The following ITGA9 variants were observed in gnomAD, a reference collection of about 807,000 sequenced individuals.
The protein encoded by ITGA9 is integrin subunit alpha 9, also known as integrin alpha-9.
ITGA9 carries 56 observed loss-of-function variants against 127.8 expected under a neutral mutation model. The ratio of observed to expected loss-of-function variants is 0.44; its 90% confidence interval spans 0.35 to 0.55. The LOEUF (loss-of-function observed/expected upper bound fraction) is 0.55. Ranked by LOEUF, ITGA9 falls within the 20% of genes least tolerant of loss-of-function variation. The probability of loss-of-function intolerance (pLI) is 0.00; values close to 1 mark genes in which losing one functional copy is unlikely to be tolerated. For missense variants in ITGA9, 1,196 were observed against 1,347.1 expected, an observed-to-expected ratio of 0.89 and a Z score of 1.76; for synonymous variants, 508 against 514.5, an observed-to-expected ratio of 0.99 and a Z score of 0.17.
At chr3:37,784,717 C>A (rs1575236388) in intron 25 of ITGA9, among the ~76,000 whole-genome samples, 2 of 152,164 alleles carry the variant, frequency 1.3e-5, no homozygotes, top group Non-Finnish European at 2.9e-5. Context: ...GCTTGGAAAC[C>A]ACAGCACACA....
chr3:37,543,795 G>T (rs1165453206), intron 15 of ITGA9, among the ~76,000 whole-genome samples: 1 of 152,236 alleles, frequency 6.6e-6, no homozygotes, highest in African/African-American at 2.4e-5. Flanking sequence ...GAGCCCATGA[G>T]TCCATGCCCC....
intron 1 of ITGA9, among the ~76,000 whole-genome samples, chr3:37,460,714 C>A (rs747824501): frequency 1.3e-4 from 19 of 151,862 alleles, no homozygotes; most frequent in Middle Eastern, 3.4e-3. Context: ...CTCAGCCTCC[C>A]GAGTAGCTGG....
intron 18 of ITGA9, among the ~76,000 whole-genome samples, chr3:37,694,075 C>T (rs188432158): frequency 2.6e-4 from 40 of 152,316 alleles, no homozygotes; most frequent in African/African-American, 9.1e-4. Context: ...GTGCCCCAAG[C>T]CCCCTGGTGA....
intron 17 of ITGA9, among the ~76,000 whole-genome samples, chr3:37,668,002 T>C (rs1700601638): frequency 6.6e-6 from 1 of 152,194 alleles, no homozygotes; most frequent in South Asian, 2.1e-4. Context: ...AGGCTCCAAG[T>C]GTAGGGACCG....
intron 18 of ITGA9, among the ~76,000 whole-genome samples, chr3:37,698,184 T>C (rs913402449): frequency 6.6e-6 from 1 of 152,194 alleles, no homozygotes; most frequent in Non-Finnish European, 1.5e-5. Flanking sequence ...ATGGCATTGT[T>C]TGTTTTTTTT....
chr3:37,654,337 G>A (rs540671907), intron 17 of ITGA9, among the ~76,000 whole-genome samples: 49 of 152,234 alleles, frequency 3.2e-4, no homozygotes, highest in Non-Finnish European at 4.4e-4. Flanking sequence ...TTGTTTCAGG[G>A]TTTCCTCCCG....
At chr3:37,732,968 G>A (rs1248692992) in intron 19 of ITGA9, 170 bp downstream of exon 19, 18 of 672,528 alleles carry the variant, frequency 2.7e-5, no homozygotes, top group East Asian at 1.7e-4. Flanking sequence ...TGTGTACACC[G>A]GGGTATACTC....
intron 17 of ITGA9, among the ~76,000 whole-genome samples, chr3:37,673,418 G>A (rs1384442187): frequency 6.6e-6 from 1 of 152,178 alleles, no homozygotes; most frequent in Non-Finnish European, 1.5e-5. Context: ...CATCACTGGT[G>A]TGAGATTGGA....
At chr3:37,637,724 G>T (rs1406424509) in intron 16 of ITGA9, among the ~76,000 whole-genome samples, 2 of 152,156 alleles carry the variant, frequency 1.3e-5, no homozygotes, top group African/African-American at 4.8e-5. Context: ...ACAGGCTGGA[G>T]TGCAGTGACA....
intron 16 of ITGA9, among the ~76,000 whole-genome samples, chr3:37,644,175 G>A (rs966450721): frequency 6.6e-6 from 1 of 152,194 alleles, no homozygotes; most frequent in Non-Finnish European, 1.5e-5. Flanking sequence ...CCTAGTCCCA[G>A]GCAGATCCAG....
intron 15 of ITGA9, among the ~76,000 whole-genome samples, chr3:37,543,246 T>G (rs537971197): frequency 5.9e-5 from 9 of 152,206 alleles, no homozygotes; most frequent in Non-Finnish European, 1.3e-4. Context: ...CAGTGCCTGA[T>G]GCTGCAGGAA....
intron 16 of ITGA9, among the ~76,000 whole-genome samples, chr3:37,648,714 G>C (rs762924657): frequency 6.6e-6 from 1 of 151,920 alleles, no homozygotes; most frequent in African/African-American, 2.4e-5. Context: ...TGAAATGAAA[G>C]GACACTAAAT....
intron 18 of ITGA9, among the ~76,000 whole-genome samples, chr3:37,695,645 A>T (rs1213042383): frequency 6.6e-6 from 1 of 152,176 alleles, no homozygotes; most frequent in Non-Finnish European, 1.5e-5. Flanking sequence ...CACTGCCCCC[A>T]TGCTCTGCCT....
intron 22 of ITGA9, among the ~76,000 whole-genome samples, chr3:37,750,191 A>G (rs1696565166): frequency 6.6e-6 from 1 of 152,230 alleles, no homozygotes; most frequent in East Asian, 1.9e-4. Flanking sequence ...ATGTAAAAAG[A>G]AAAGTTTTAG....
chr3:37,712,260 C>G (rs1701087543), intron 18 of ITGA9, among the ~76,000 whole-genome samples: 1 of 152,214 alleles, frequency 6.6e-6, no homozygotes. Context: ...GAGGGTCCCA[C>G]CTCAGTGTGG....
chr3:37,774,167 A>T (rs1415111590), intron 23 of ITGA9, among the ~76,000 whole-genome samples: 1 of 152,230 alleles, frequency 6.6e-6, no homozygotes, highest in Non-Finnish European at 1.5e-5. Flanking sequence ...CTTGCAAGTG[A>T]ATATTCATGC....
chr3:37,616,265 T>C (rs1391026858), intron 15 of ITGA9, among the ~76,000 whole-genome samples: 1 of 152,230 alleles, frequency 6.6e-6, no homozygotes, highest in Non-Finnish European at 1.5e-5. Context: ...TTCCATGTAG[T>C]TGAGCGGTTT....
intron 18 of ITGA9, among the ~76,000 whole-genome samples, chr3:37,709,370 T>C (rs906779495): frequency 2.0e-5 from 3 of 152,184 alleles, no homozygotes; most frequent in Admixed American, 6.5e-5. Flanking sequence ...TCTGGGGAGC[T>C]TGGCACACAG....
chr3:37,749,917 C>T (rs959000796), intron 22 of ITGA9, among the ~76,000 whole-genome samples: 1 of 152,184 alleles, frequency 6.6e-6, no homozygotes, highest in Non-Finnish European at 1.5e-5. Context: ...TGGACCAGAT[C>T]TGTGGGTCTC....
Sources: gnomAD v4.1 joint callset for allele counts (sites outside exome capture counted in the v4.1 genomes callset) on GRCh38, gnomAD v4.1.1 for gene constraint, MANE v1.5 for transcripts, NCBI Gene and HGNC (gene_info 2026-07-23, HGNC 2026-07-21) for gene names.